Variants in IKZF1 observed in about 807,000 individuals in gnomAD.
IKZF1 encodes IKAROS family zinc finger 1.
A neutral mutation model predicts 51.7 loss-of-function variants in IKZF1; 10 were observed. The ratio of observed to expected loss-of-function variants is 0.19; its 90% confidence interval spans 0.12 to 0.33. The LOEUF (loss-of-function observed/expected upper bound fraction) is 0.33. Ranked by LOEUF, IKZF1 falls within the 10% of genes least tolerant of loss-of-function variation. The probability of loss-of-function intolerance (pLI) is 1.00; values close to 1 mark genes in which losing one functional copy is unlikely to be tolerated. For synonymous variants in IKZF1, 280 were observed against 282.3 expected, an observed-to-expected ratio of 0.99 and a Z score of 0.08; for missense variants, 484 against 707.5, an observed-to-expected ratio of 0.68 and a Z score of 3.58.
intron 5 of IKZF1, among the ~76,000 whole-genome samples, chr7:50,384,031 T>C (rs1812638877): frequency 6.6e-6 from 1 of 152,168 alleles, no homozygotes; most frequent in Non-Finnish European, 1.5e-5. Flanking sequence ...ACAGAGTGTC[T>C]GAGGGGACAG....
chr7:50,325,047 G>A (rs1794511567), intron 2 of IKZF1, among the ~76,000 whole-genome samples: 1 of 151,852 alleles, frequency 6.6e-6, no homozygotes, highest in Non-Finnish European at 1.5e-5. Flanking sequence ...CACCCCACAC[G>A]CCCTGTACAT....
At chr7:50,398,823 G>T (rs771438484) in intron 7 of IKZF1, among the ~76,000 whole-genome samples, 1 of 152,208 alleles carries the variant, frequency 6.6e-6, no homozygotes, top group African/African-American at 2.4e-5. Context: ...GAACACAGCC[G>T]CAGTCTTGCC....
At chr7:50,378,352 C>T (rs73348146) in intron 4 of IKZF1, among the ~76,000 whole-genome samples, 5,257 of 152,174 alleles carry the variant, frequency 0.035, 305 homozygotes, top group African/African-American at 0.12. Flanking sequence ...GTGAAGCAAG[C>T]GTGCATGAGA....
At chr7:50,362,319 T>A (rs1805493794) in intron 3 of IKZF1, among the ~76,000 whole-genome samples, 1 of 152,204 alleles carries the variant, frequency 6.6e-6, no homozygotes, top group Non-Finnish European at 1.5e-5. Flanking sequence ...TCAACCCCAT[T>A]GCCAGATAGA....
chr7:50,400,021 C>T lies in IKZF1; in HGVS notation c.954C>T (p.Ala318=), dbSNP rs1562910289. 1 of 1,612,980 alleles carries T rather than the reference C, an allele frequency of 6.2e-7. No individual in the cohort carries two copies. Among genetic ancestry groups the T allele is most frequent in the African/African-American group, 1.3e-5 (1 of 75,028 alleles). Residue 318 remains alanine, a synonymous_variant, in exon 8 of 8, where the codon GCC becomes GCT. Coordinates refer to ENST00000331340, the MANE Select transcript of IKZF1 (RefSeq NM_006060.6). The surrounding 1 kb of genome is among the most constrained non-coding windows in gnomAD (Gnocchi z 5.4). ...SHVMDQAINN[A]INYLGAESLR... Reference sequence around the variant, plus strand: ...TGATGGACCAAGCCATCAACAACGCCATCAACTACCTGGGGGCCGAGTCCC... The same window carrying T: ...TGATGGACCAAGCCATCAACAACGCTATCAACTACCTGGGGGCCGAGTCCC...
At chr7:50,349,501 G>A (rs983122444) in intron 3 of IKZF1, among the ~76,000 whole-genome samples, 7 of 152,174 alleles carry the variant, frequency 4.6e-5, no homozygotes, top group African/African-American at 1.7e-4. Flanking sequence ...ACAGGGAGTG[G>A]GAACAAAACG....
chr7:50,319,926 A>G (rs998602855), intron 2 of IKZF1, among the ~76,000 whole-genome samples: 6 of 152,208 alleles, frequency 3.9e-5, no homozygotes, highest in African/African-American at 1.2e-4. Context: ...GGTGCTCCTG[A>G]TGAAGACCAG....
intron 3 of IKZF1, among the ~76,000 whole-genome samples, chr7:50,358,354 A>T (rs1469556039): frequency 6.6e-6 from 1 of 152,254 alleles, no homozygotes; most frequent in East Asian, 1.9e-4. Flanking sequence ...AGGTTTTGAC[A>T]GAAGTGCCAG....
chr7:50,310,256 G>A (rs1335489532), intron 1 of IKZF1, among the ~76,000 whole-genome samples: 1 of 152,110 alleles, frequency 6.6e-6, no homozygotes, highest in Non-Finnish European at 1.5e-5. Context: ...CACTTTAAGA[G>A]CAGACAATGT....
intron 3 of IKZF1, among the ~76,000 whole-genome samples, chr7:50,337,093 C>T (rs1289626196): frequency 6.6e-6 from 1 of 151,882 alleles, no homozygotes; most frequent in East Asian, 1.9e-4. Context: ...AGGATTGGGG[C>T]AAAACCAACC....
At chr7:50,341,833 A>AT (rs1177359676) in intron 3 of IKZF1, among the ~76,000 whole-genome samples, 24 of 149,380 alleles carry the variant, frequency 1.6e-4, no homozygotes, top group African/African-American at 2.9e-4. Context: ...CCCCGGATGT[A>AT]TTTTTTTTTT....
rs1487503601 is a variant in IKZF1, at chr7:50,376,925, T to C, written c.421+132T>C. 1.4e-6 allele frequency: 2 copies of C among 1,450,366 alleles called. No homozygotes were observed. The highest frequency in any genetic ancestry group is 1.8e-6 in the Non-Finnish European group (2 of 1,091,520). 89.8% of individuals were successfully genotyped at this position (1,450,366 alleles called of 1,614,324 possible). On this transcript the variant is annotated intron_variant, in intron 4 of 7. Transcript: ENST00000331340. The surrounding 1 kb of genome is among the most constrained non-coding windows in gnomAD (Gnocchi z 4.5). ...CTGGTAGCTCAGTTGTTGCAAGCGA[T>C]TGGTTCCAAGTGGTACCGAGTCATA...
intron 1 of IKZF1, among the ~76,000 whole-genome samples, chr7:50,314,557 A>G (rs900419165): frequency 1.3e-5 from 2 of 152,358 alleles, no homozygotes; most frequent in Non-Finnish European, 1.5e-5. Context: ...GCTGCTAGAA[A>G]AGTAGTAAAG....
At chr7:50,349,831 T>C (rs1404628746) in intron 3 of IKZF1, among the ~76,000 whole-genome samples, 4 of 152,230 alleles carry the variant, frequency 2.6e-5, no homozygotes, top group Non-Finnish European at 4.4e-5. Context: ...TTCATGCTTA[T>C]GTTTTAAAAC....
intron 3 of IKZF1, among the ~76,000 whole-genome samples, chr7:50,330,320 G>C (rs1796171695): frequency 6.6e-6 from 1 of 152,228 alleles, no homozygotes; most frequent in South Asian, 2.1e-4. Context: ...CAGCCCTGTG[G>C]ACAGGCGGGA....
intron 5 of IKZF1, among the ~76,000 whole-genome samples, chr7:50,385,513 C>T (rs1813121707): frequency 6.6e-6 from 1 of 152,236 alleles, no homozygotes; most frequent in South Asian, 2.1e-4. Context: ...ATCTCCCTTC[C>T]TGCCTCATGG....
At chr7:50,399,869 C>T (rs748425150) in intron 7 of IKZF1, 49 bp from the exon 8 acceptor site, 11 of 1,559,248 alleles carry the variant, frequency 7.1e-6, no homozygotes, top group Admixed American at 2.1e-5. Context: ...CAGACCTGAC[C>T]GGTTCCGGAG....
At chr7:50,361,753 G>A (rs949381129) in intron 3 of IKZF1, among the ~76,000 whole-genome samples, 2 of 152,138 alleles carry the variant, frequency 1.3e-5, no homozygotes, top group African/African-American at 4.8e-5. Context: ...GTGCGCGCCT[G>A]TAGTCCCAGC....
At chr7:50,347,936 A>G (rs1277794841) in intron 3 of IKZF1, among the ~76,000 whole-genome samples, 2 of 152,184 alleles carry the variant, frequency 1.3e-5, no homozygotes, top group Admixed American at 6.5e-5. Flanking sequence ...TGTGCTGCAG[A>G]TGGACACCCA....
Sources: gnomAD v4.1 joint callset for allele counts (sites outside exome capture counted in the v4.1 genomes callset) on GRCh38, gnomAD v4.1.1 for gene constraint, Gnocchi (gnomAD v3.1) non-coding constraint, MANE v1.5 for transcripts, NCBI Gene and HGNC (gene_info 2026-07-23, HGNC 2026-07-21) for gene names.